The following ZNF138 variants were observed in gnomAD, a reference collection of about 807,000 sequenced individuals.
ZNF138 encodes zinc finger protein 138 (clone pHZ-32).
In ZNF138, 33 loss-of-function variants were observed where a neutral mutation model predicts 33.0. That is an observed-to-expected ratio of 1.00 (90% confidence interval 0.76 to 1.34). The LOEUF is 1.34. ZNF138 is among the 40% of genes most tolerant of loss of function. The pLI is 0.00. For missense variants in ZNF138, 360 were observed against 370.8 expected (o/e 0.97, Z 0.24); for synonymous variants, 139 against 120.4 (o/e 1.15, Z -1.01).
the ZNF138 span, among the ~76,000 whole-genome samples, chr7:64,841,066 TTC>T: frequency 6.6e-6 from 1 of 152,084 alleles, no homozygotes; most frequent in Non-Finnish European, 1.5e-5. Context: ...CATGAAAAAT[TTC>T]TGTTTTTCCT....
intron 1 of ZNF138, chr7:64,814,003 G>A (rs2129000537): frequency 8.7e-7 from 1 of 1,146,554 alleles, no homozygotes; most frequent in Middle Eastern, 3.9e-4. Context: ...TCTATCTTAG[G>A]TTTCCTTTGC....
the ZNF138 span, among the ~76,000 whole-genome samples, chr7:64,846,101 A>T: frequency 6.6e-6 from 1 of 152,150 alleles, no homozygotes; most frequent in Non-Finnish European, 1.5e-5. Context: ...TGGGTTCTCC[A>T]TGCTGCTCCG....
chr7:64,817,080 GAGT>G (rs1358068994), intron 3 of ZNF138, among the ~76,000 whole-genome samples: 1 of 152,208 alleles, frequency 6.6e-6, no homozygotes, highest in Non-Finnish European at 1.5e-5. Context: ...GGATATGGAT[GAGT>G]ATGGCTTTCA....
At chr7:64,813,001 A>C (rs1202153489) in intron 1 of ZNF138, among the ~76,000 whole-genome samples, 2 of 152,200 alleles carry the variant, frequency 1.3e-5, no homozygotes, top group African/African-American at 4.8e-5. Flanking sequence ...TACTTTTAAA[A>C]ATTCTTATGA....
At chr7:64,830,004 G>C (rs1452857924) in intron 3 of ZNF138, among the ~76,000 whole-genome samples, 1 of 152,112 alleles carries the variant, frequency 6.6e-6, no homozygotes, top group Admixed American at 6.6e-5. Context: ...ATTTTGGAAG[G>C]TCTTTTTATT....
intron 1 of ZNF138, among the ~76,000 whole-genome samples, chr7:64,802,466 C>T (rs1562887626): frequency 6.6e-6 from 1 of 152,060 alleles, no homozygotes; most frequent in African/African-American, 2.4e-5. Flanking sequence ...CCACAAGAGA[C>T]TTTTGCAGGG....
chr7:64,816,544 C>T (rs13223188), intron 3 of ZNF138, among the ~76,000 whole-genome samples: 57,435 of 151,662 alleles, frequency 0.38, 11,776 homozygotes, highest in South Asian at 0.47. Context: ...TTTTATATTT[C>T]GGTAATTTAC....
At chr7:64,837,239 C>G (rs1315991191), downstream of ZNF138, among the ~76,000 whole-genome samples, 1 of 152,020 alleles carries the variant, frequency 6.6e-6, no homozygotes, top group East Asian at 1.9e-4. Flanking sequence ...GAGGGAAGGC[C>G]TGTAAGTTTA....
At chr7:64,853,207 G>C in the ZNF138 span, 1 of 1,601,214 alleles carries the variant, frequency 6.2e-7, no homozygotes, top group Middle Eastern at 1.7e-4. Flanking sequence ...TCATCTTCTT[G>C]GAAGTGGTTC....
intron 3 of ZNF138, among the ~76,000 whole-genome samples, chr7:64,826,969 G>GA (rs1315031351): frequency 5.3e-5 from 8 of 151,462 alleles, no homozygotes; most frequent in Non-Finnish European, 1.0e-4. Context: ...ATATTCTGTA[G>GA]AAGAAGTTTA....
chr7:64,815,021 A>G lies in ZNF138; in HGVS notation c.107A>G (p.Asn36Ser), dbSNP rs1788495466. The change falls in exon 2 of 4, where the codon AAC becomes AGC. Residue 36 changes from asparagine (N) to serine (S), a missense_variant. Asn to Ser is a conservative substitution (Grantham distance 46). Coordinates refer to ENST00000307355, the MANE Select transcript of ZNF138 (RefSeq NM_001271639.2). The stretch of plus-strand genomic sequence containing the variant: ...GTATATAGGCATGTGATGTTAGAGA[A>G]CTACAGAAACCTGGTTTTCTTGGGT... ...RNVYRHVMLE[N>S]YRNLVFLDLI... The G allele has an allele frequency of 6.2e-7, 1 of 1,610,270 alleles. No individual in the cohort carries two copies. The highest frequency in any genetic ancestry group is 1.3e-5 in the African/African-American group (1 of 74,808).
At chr7:64,809,952 G>C (rs1356118571) in intron 1 of ZNF138, among the ~76,000 whole-genome samples, 4 of 90,612 alleles carry the variant, frequency 4.4e-5, no homozygotes, top group African/African-American at 1.8e-4. Flanking sequence ...CGGCCGGGCG[G>C]AGACGCTCCT....
chr7:64,854,496 C>T, the ZNF138 span, among the ~76,000 whole-genome samples: 1 of 152,212 alleles, frequency 6.6e-6, no homozygotes, highest in African/African-American at 2.4e-5. Flanking sequence ...CCACCTCGGC[C>T]TCCAAAAGTG....
chr7:64,800,893 C>G (rs777192735), intron 1 of ZNF138, among the ~76,000 whole-genome samples: 7 of 151,920 alleles, frequency 4.6e-5, no homozygotes, highest in Non-Finnish European at 8.8e-5. Flanking sequence ...GATTCAATTT[C>G]TTTTTTGTTC....
downstream of ZNF138, among the ~76,000 whole-genome samples, chr7:64,834,100 G>A (rs911578836): frequency 6.6e-6 from 1 of 152,118 alleles, no homozygotes; most frequent in African/African-American, 2.4e-5. Context: ...GGGTTGTAGT[G>A]CCTGCCTTAC....
the ZNF138 span, among the ~76,000 whole-genome samples, chr7:64,854,292 G>C: frequency 6.6e-6 from 1 of 152,250 alleles, no homozygotes; most frequent in South Asian, 2.1e-4. Flanking sequence ...TCTGGCTGAA[G>C]TGCAGTGACG....
intron 1 of ZNF138, among the ~76,000 whole-genome samples, chr7:64,812,000 C>G (rs1311163832): frequency 6.6e-6 from 1 of 152,004 alleles, no homozygotes; most frequent in Non-Finnish European, 1.5e-5. Context: ...GATTACATGG[C>G]CAATTTGCAG....
At chr7:64,809,630 T>G (rs1435936023) in intron 1 of ZNF138, among the ~76,000 whole-genome samples, 2 of 147,184 alleles carry the variant, frequency 1.4e-5, no homozygotes, top group East Asian at 2.1e-4. Context: ...ACGGGGTGGC[T>G]GCCGGGCGGA....
At chr7:64,817,392 C>T (rs917192386) in intron 3 of ZNF138, among the ~76,000 whole-genome samples, 4 of 152,108 alleles carry the variant, frequency 2.6e-5, no homozygotes, top group African/African-American at 2.4e-5. Flanking sequence ...TGGTATGTAG[C>T]CAAGAACGGG....
Sources: allele counts gnomAD v4.1 joint callset (sites outside exome capture counted in the v4.1 genomes callset), GRCh38; gene constraint gnomAD v4.1.1; transcripts MANE v1.5; gene names NCBI Gene and HGNC (gene_info 2026-07-23, HGNC 2026-07-21).